The following HHAT variants were observed in gnomAD, a reference collection of about 807,000 sequenced individuals.
The protein encoded by HHAT is hedgehog acyltransferase.
In HHAT, 47 loss-of-function variants were observed where a neutral mutation model predicts 70.8. The observed-to-expected ratio is 0.66, with a 90% CI of 0.53 to 0.85. The LOEUF is 0.85. Among genes scored for constraint, HHAT ranks in the 40% least tolerant of loss-of-function variants. The probability of loss-of-function intolerance (pLI) is 0.00; values close to 1 mark genes in which losing one functional copy is unlikely to be tolerated. For missense variants in HHAT, 609 were observed against 604.8 expected (o/e 1.01, Z -0.07); for synonymous variants, 228 against 247.6 (o/e 0.92, Z 0.74).
intron 10 of HHAT, among the ~76,000 whole-genome samples, chr1:210,592,089 C>A (rs1661842675): frequency 6.6e-6 from 1 of 151,992 alleles, no homozygotes; most frequent in Non-Finnish European, 1.5e-5. Flanking sequence ...TGGGGTATTA[C>A]TAAAGAATTA....
intron 9 of HHAT, among the ~76,000 whole-genome samples, chr1:210,560,513 T>G (rs1465137462): frequency 1.3e-5 from 2 of 151,938 alleles, no homozygotes; most frequent in African/African-American, 4.8e-5. Flanking sequence ...AGCTATGACA[T>G]CATTCAAGAT....
intron 8 of HHAT, 63 bp downstream of exon 8, chr1:210,464,718 G>T: frequency 1.3e-6 from 2 of 1,568,760 alleles, no homozygotes. Flanking sequence ...TGGCTGGGCC[G>T]GCCTCAAAGG....
intron 3 of HHAT, among the ~76,000 whole-genome samples, chr1:210,364,087 C>A (rs1330243537): frequency 6.6e-6 from 1 of 152,224 alleles, no homozygotes; most frequent in African/African-American, 2.4e-5. Flanking sequence ...CCATGTTTTT[C>A]TGTAACTGAG....
intron 9 of HHAT, among the ~76,000 whole-genome samples, chr1:210,533,963 C>G (rs1159988022): frequency 6.6e-6 from 1 of 152,182 alleles, no homozygotes; most frequent in Admixed American, 6.5e-5. Context: ...GGTCCCCAAA[C>G]TCACTGTGGA....
At chr1:210,468,554 T>A (rs2094146378) in intron 8 of HHAT, among the ~76,000 whole-genome samples, 1 of 152,138 alleles carries the variant, frequency 6.6e-6, no homozygotes, top group Non-Finnish European at 1.5e-5. Flanking sequence ...AGGCTGAGAA[T>A]GAGGAGGAAT....
At chr1:210,360,303 TG>T (rs2088134505) in intron 2 of HHAT, among the ~76,000 whole-genome samples, 1 of 139,488 alleles carries the variant, frequency 7.2e-6, no homozygotes, top group African/African-American at 2.6e-5. Context: ...GTTGTTTTTG[TG>T]TTTTTTTTTT....
Position 210,348,926 on chromosome 1 carries a change from T to G in HHAT, c.-43-7T>G. ...TCATGGCTTAAAGTTTTGTCTCTGT[T>G]TCTCAGAAACTCTCAGCGTAGGCAT... On this transcript the variant is annotated splice_polypyrimidine_tract_variant and splice_region_variant and intron_variant, in intron 1 of 11. Coordinates refer to ENST00000261458, the MANE Select transcript of HHAT (RefSeq NM_018194.6). 1 of 1,602,262 alleles carries G rather than the reference T, an allele frequency of 6.2e-7. No homozygotes were observed. Among genetic ancestry groups the G allele is most frequent in the Admixed American group, 1.7e-5 (1 of 57,146 alleles).
intron 9 of HHAT, among the ~76,000 whole-genome samples, chr1:210,560,936 G>C (rs2095617796): frequency 6.6e-6 from 1 of 150,610 alleles, no homozygotes. Context: ...CAAGTCCTGA[G>C]CTGCACTGAC....
intron 7 of HHAT, among the ~76,000 whole-genome samples, chr1:210,453,403 T>A (rs558684333): frequency 6.6e-6 from 1 of 152,342 alleles, no homozygotes; most frequent in South Asian, 2.1e-4. Flanking sequence ...GTGAAGATAA[T>A]TTCATGGTGC....
chr1:210,486,927 T>C (rs1016719410), intron 8 of HHAT, among the ~76,000 whole-genome samples: 3 of 152,200 alleles, frequency 2.0e-5, no homozygotes, highest in African/African-American at 7.2e-5. Flanking sequence ...TGAAAGCTGC[T>C]TCTGCTCTCT....
chr1:210,626,767 G>A (rs1428358385), intron 11 of HHAT, among the ~76,000 whole-genome samples: 7 of 152,134 alleles, frequency 4.6e-5, no homozygotes, highest in African/African-American at 7.2e-5. Context: ...GAGTCTATAC[G>A]ATGCTCCCTC....
At chr1:210,410,219 AT>A (rs938524276) in intron 6 of HHAT, among the ~76,000 whole-genome samples, 1 of 150,184 alleles carries the variant, frequency 6.7e-6, no homozygotes, top group Admixed American at 6.6e-5. Context: ...CGCCCAGCTA[AT>A]TTTTTTGTAT....
intron 9 of HHAT, among the ~76,000 whole-genome samples, chr1:210,552,274 G>C (rs1188786107): frequency 6.6e-6 from 1 of 152,184 alleles, no homozygotes; most frequent in African/African-American, 2.4e-5. Context: ...CTTTCAGAGG[G>C]CTCTGGGAGA....
chr1:210,544,391 T>TTTG (rs773490978), intron 9 of HHAT, among the ~76,000 whole-genome samples: 7 of 99,342 alleles, frequency 7.0e-5, no homozygotes, highest in African/African-American at 2.0e-4. Context: ...TTTTTTTTTT[T>TTTG]GACACAGTTT....
chr1:210,403,895 G>C (rs893350180), intron 5 of HHAT, among the ~76,000 whole-genome samples: 1 of 145,706 alleles, frequency 6.9e-6, no homozygotes, highest in Non-Finnish European at 1.5e-5. Flanking sequence ...ACACATCTAC[G>C]TCCTGTATGA....
chr1:210,613,876 C>T (rs992798759), intron 10 of HHAT, among the ~76,000 whole-genome samples: 1 of 151,438 alleles, frequency 6.6e-6, no homozygotes, highest in Non-Finnish European at 1.5e-5. Context: ...AACAATTAGC[C>T]AATTGCAATT....
At chr1:210,645,368 C>G (rs112240682) in intron 11 of HHAT, among the ~76,000 whole-genome samples, 1,794 of 152,292 alleles carry the variant, frequency 0.012, 37 homozygotes, top group African/African-American at 0.039. Context: ...AGCTCTGCCC[C>G]CCGGGTTCAC....
At chr1:210,532,736 C>G (rs940100036) in intron 9 of HHAT, among the ~76,000 whole-genome samples, 1 of 152,122 alleles carries the variant, frequency 6.6e-6, no homozygotes, top group Admixed American at 6.5e-5. Context: ...GAAAGGTAAG[C>G]AACTACCTGA....
At chr1:210,466,817 G>A (rs566664247) in intron 8 of HHAT, among the ~76,000 whole-genome samples, 3 of 152,128 alleles carry the variant, frequency 2.0e-5, no homozygotes, top group East Asian at 3.9e-4. Context: ...CAACCACAGA[G>A]GTGGAGAGAA....
Sources: allele counts gnomAD v4.1 joint callset (sites outside exome capture counted in the v4.1 genomes callset), GRCh38; gene constraint gnomAD v4.1.1; transcripts MANE v1.5; gene names NCBI Gene and HGNC (gene_info 2026-07-23, HGNC 2026-07-21).